The following TBX20 variants were observed in gnomAD, a reference collection of about 807,000 sequenced individuals.
TBX20 encodes T-box transcription factor TBX20.
In TBX20, 8 loss-of-function variants were observed where a neutral mutation model predicts 42.9. The observed-to-expected ratio is 0.19, with a 90% CI of 0.11 to 0.34. The LOEUF is 0.34. Ranked by LOEUF, TBX20 falls within the 10% of genes least tolerant of loss-of-function variation. TBX20 has a pLI of 1.00. For missense variants in TBX20, 411 were observed against 566.0 expected, an observed-to-expected ratio of 0.73 and a Z score of 2.78; for synonymous variants, 198 against 222.8, an observed-to-expected ratio of 0.89 and a Z score of 0.99.
intron 5 of TBX20, among the ~76,000 whole-genome samples, chr7:35,239,813 G>A (rs1456059527): frequency 3.3e-5 from 5 of 151,942 alleles, no homozygotes; most frequent in Admixed American, 1.3e-4. Context: ...GTGCAGTGGT[G>A]AGATCTCTGC....
intron 6 of TBX20, among the ~76,000 whole-genome samples, chr7:35,224,306 A>G (rs1789733361): frequency 2.6e-5 from 4 of 152,250 alleles, no homozygotes; most frequent in African/African-American, 9.6e-5. Context: ...TAATTGTTTC[A>G]AGATTGATAC....
intron 6 of TBX20, among the ~76,000 whole-genome samples, chr7:35,218,905 C>G (rs1789634398): frequency 6.6e-6 from 1 of 152,096 alleles, no homozygotes; most frequent in Non-Finnish European, 1.5e-5. Flanking sequence ...GCTTACTTGC[C>G]CTTTCCACCA....
At chr7:35,240,837 C>T (rs751001912) in intron 5 of TBX20, 42 bp downstream of exon 5, 15 of 1,580,806 alleles carry the variant, frequency 9.5e-6, no homozygotes, top group Non-Finnish European at 1.3e-5. Flanking sequence ...CCTCCTAAAT[C>T]CTTCTCTTAT....
chr7:35,228,524 C>A (rs555937677), intron 6 of TBX20, among the ~76,000 whole-genome samples: 2 of 151,948 alleles, frequency 1.3e-5, no homozygotes. Context: ...GCAATGCACA[C>A]AAACTCTTTT....
At position 35,249,893 on chromosome 7, in the gene TBX20, T is replaced by G. The variant is rs1445301319; in HGVS notation, c.380+58A>C. On this transcript the variant is annotated intron_variant, in intron 2 of 7. Transcript: ENST00000408931. This position sits in a 1 kb window ranked among gnomAD's most constrained non-coding sequence, Gnocchi z 4.3. Reference sequence around the variant, plus strand: ...TCTAGTTCCTGGAAGCACCCTCAACTACCCAGGGAGTGTCCTGACTCTCCA... The same window carrying G: ...TCTAGTTCCTGGAAGCACCCTCAACGACCCAGGGAGTGTCCTGACTCTCCA... 6.5e-7 allele frequency: 1 copy of G among 1,539,688 alleles called. No homozygotes were observed.
intron 6 of TBX20, among the ~76,000 whole-genome samples, chr7:35,211,702 C>T (rs1222306384): frequency 6.6e-6 from 1 of 152,104 alleles, no homozygotes; most frequent in East Asian, 1.9e-4. Flanking sequence ...GTTTATCCAA[C>T]CATAACCCCA....
In TBX20 at chr7:35,249,020, G is replaced by A. The variant is rs1460810855; in HGVS notation, c.381-179C>T. ...CCTCAGAGAAGTGAATACAGAGACA[G>A]GGTTTTCTTCCAAGCCTAGATAATT... is the stretch of plus-strand genomic sequence containing the variant. On this transcript the variant is annotated intron_variant, in intron 2 of 7. Coordinates refer to ENST00000408931, the MANE Select transcript of TBX20 (RefSeq NM_001077653.2). This position sits in a 1 kb window ranked among gnomAD's most constrained non-coding sequence, Gnocchi z 4.3. Among the ~76,000 whole-genome samples, 1 of 148,702 alleles carries A rather than the reference G, an allele frequency of 6.7e-6. No individual in the cohort carries two copies. The highest frequency in any genetic ancestry group is 2.5e-5 in the African/African-American group (1 of 40,340).
chr7:35,236,355 T>C (rs547963757), intron 5 of TBX20, among the ~76,000 whole-genome samples: 1 of 151,850 alleles, frequency 6.6e-6, no homozygotes, highest in East Asian at 1.9e-4. Flanking sequence ...ATACTATACC[T>C]AGTATATATT....
intron 6 of TBX20, among the ~76,000 whole-genome samples, chr7:35,210,222 C>G (rs1239523160): frequency 6.7e-6 from 1 of 149,588 alleles, no homozygotes; most frequent in Non-Finnish European, 1.5e-5. Context: ...TCAAGTGATT[C>G]TCGTGCCTCA....
chr7:35,253,443 G>C, intron 1 of TBX20, 51 bp downstream of exon 1: 1 of 1,581,186 alleles, frequency 6.3e-7, no homozygotes, highest in Non-Finnish European at 8.6e-7. Flanking sequence ...GGGCACAGAC[G>C]GATGCGCAGC....
rs1584361659 is a variant in TBX20 at position 35,253,467 on chromosome 7, G to C, written c.127+27C>G. 3 of 1,601,746 alleles carry C rather than the reference G, an allele frequency of 1.9e-6. No homozygotes were observed. In the African/African-American group the frequency reaches 4.0e-5, roughly 21 times the overall value. ...CGGATGCGCAGCATCCCCAGTCCTC[G>C]GCGGACAGCCGGGTAGCCCAACTTA... is the stretch of plus-strand genomic sequence containing the variant. On this transcript the variant is annotated intron_variant, in intron 1 of 7. Coordinates refer to ENST00000408931, the MANE Select transcript of TBX20 (RefSeq NM_001077653.2).
rs1160063704 is a variant in TBX20, at chr7:35,202,752, G to C, written c.1022C>G (p.Ser341Cys). The change falls in exon 8 of 8, where the codon TCT becomes TGT. Residue 341 changes from serine to cysteine, a missense_variant. Around this residue, in one of 5 missense-constraint regions of TBX20, gnomAD observed 162 missense variants for 205.4 expected, o/e 0.79. Transcript: ENST00000408931. ...TPNRGSAFTT[S>C]DNLSLSSWVS... ...CCAGGAGCTGAGAGACAAATTATCA[G>C]ATGTTGTAAAGGCTGACCCTGTAAG... 3.8e-6 allele frequency: 6 copies of C among 1,558,698 alleles called. No individual in the cohort carries two copies. Among genetic ancestry groups the C allele is most frequent in the Non-Finnish European group, 5.2e-6 (6 of 1,151,478 alleles).
intron 6 of TBX20, among the ~76,000 whole-genome samples, chr7:35,221,553 A>G (rs1789684808): frequency 6.6e-6 from 1 of 152,168 alleles, no homozygotes. Flanking sequence ...TTTATTCCAC[A>G]ATACTTCAAA....
At chr7:35,241,966 T>C (rs891199707) in intron 4 of TBX20, among the ~76,000 whole-genome samples, 1 of 152,264 alleles carries the variant, frequency 6.6e-6, no homozygotes, top group African/African-American at 2.4e-5. Context: ...TTTGGGGGTA[T>C]GTCTTTCCGG....
intron 6 of TBX20, among the ~76,000 whole-genome samples, chr7:35,222,027 A>G (rs1455803627): frequency 6.6e-6 from 1 of 152,204 alleles, no homozygotes; most frequent in Non-Finnish European, 1.5e-5. Flanking sequence ...AAATTGAGAA[A>G]TATCAATGTT....
intron 1 of TBX20, 88 bp from the exon 2 acceptor site, chr7:35,250,291 G>A: frequency 6.5e-7 from 1 of 1,530,624 alleles, no homozygotes; most frequent in African/African-American, 1.4e-5. Flanking sequence ...TGGTCACTTG[G>A]ATTTGACTCA....
chr7:35,242,583 T>C (rs1790104491), intron 4 of TBX20, among the ~76,000 whole-genome samples: 1 of 152,164 alleles, frequency 6.6e-6, no homozygotes, highest in South Asian at 2.1e-4. Flanking sequence ...CACCCATACG[T>C]ACACATACCA....
intron 6 of TBX20, among the ~76,000 whole-genome samples, chr7:35,217,199 G>A (rs1048394678): frequency 1.3e-5 from 2 of 151,868 alleles, no homozygotes; most frequent in Non-Finnish European, 2.9e-5. Flanking sequence ...TTTCTTTTCA[G>A]TAATATACAT....
At chr7:35,229,996 T>G (rs1451373538) in intron 6 of TBX20, among the ~76,000 whole-genome samples, 1 of 151,932 alleles carries the variant, frequency 6.6e-6, no homozygotes, top group Non-Finnish European at 1.5e-5. Context: ...ACTTTTTTTT[T>G]CTCCCAATAT....
Sources: allele counts gnomAD v4.1 joint callset (sites outside exome capture counted in the v4.1 genomes callset), GRCh38; gene constraint gnomAD v4.1.1; regional missense constraint gnomAD v4.1.1; non-coding constraint Gnocchi (gnomAD v3.1); transcripts MANE v1.5; gene names NCBI Gene and HGNC (gene_info 2026-07-23, HGNC 2026-07-21).